Variants in SUFU observed in about 807,000 individuals in gnomAD.
SUFU encodes suppressor of fused homolog.
A neutral mutation model predicts 58.9 loss-of-function variants in SUFU; 7 were observed. The observed-to-expected ratio is 0.12, with a 90% confidence interval of 0.07 to 0.22. The LOEUF is 0.22. SUFU is among the 10% of genes least tolerant of loss of function. The pLI is 1.00. For missense variants in SUFU, 451 were observed against 641.3 expected (o/e 0.70, Z 3.20); for synonymous variants, 232 against 254.8 (o/e 0.91, Z 0.85).
intron 7 of SUFU, among the ~76,000 whole-genome samples, chr10:102,598,415 C>T (rs1441326458): frequency 6.6e-6 from 1 of 152,184 alleles, no homozygotes; most frequent in Non-Finnish European, 1.5e-5. Context: ...CTCAGCCTCC[C>T]GAAGTGCTGG....
intron 3 of SUFU, among the ~76,000 whole-genome samples, chr10:102,552,896 A>G (rs971406813): frequency 2.6e-5 from 4 of 152,348 alleles, no homozygotes; most frequent in Non-Finnish European, 2.9e-5. Context: ...TCATTGTATC[A>G]TTCTTTTAAC....
intron 8 of SUFU, among the ~76,000 whole-genome samples, chr10:102,610,006 A>G (rs2063605664): frequency 6.6e-6 from 1 of 152,122 alleles, no homozygotes; most frequent in Non-Finnish European, 1.5e-5. Context: ...GACCATCCTC[A>G]TTGCCTTTTT....
At chr10:102,546,329 C>T (rs1186404450) in intron 2 of SUFU, among the ~76,000 whole-genome samples, 1 of 152,050 alleles carries the variant, frequency 6.6e-6, no homozygotes, top group Non-Finnish European at 1.5e-5. Context: ...CCCCTTACCC[C>T]CACTCTGCCA....
upstream of SUFU, among the ~76,000 whole-genome samples, chr10:102,503,298 C>CT (rs1035375401): frequency 6.6e-6 from 1 of 152,116 alleles, no homozygotes; most frequent in Non-Finnish European, 1.5e-5. Flanking sequence ...TTTGCATTTT[C>CT]TTTTTTTCTG....
intron 3 of SUFU, among the ~76,000 whole-genome samples, chr10:102,582,755 G>A (rs537036253): frequency 6.6e-6 from 1 of 152,220 alleles, no homozygotes; most frequent in Non-Finnish European, 1.5e-5. Flanking sequence ...CATAAAAGTC[G>A]GGTAGCTGAG....
At chr10:102,508,797 A>G (rs1206931692) in intron 1 of SUFU, among the ~76,000 whole-genome samples, 2 of 152,202 alleles carry the variant, frequency 1.3e-5, no homozygotes, top group East Asian at 3.8e-4. Context: ...TGATTGACTG[A>G]TGTACCTCTT....
chr10:102,612,343 C>T (rs976036690), intron 8 of SUFU, among the ~76,000 whole-genome samples: 1 of 152,034 alleles, frequency 6.6e-6, no homozygotes, highest in Non-Finnish European at 1.5e-5. Context: ...AGTACAGTTT[C>T]AAATGATTGA....
chr10:102,622,200 C>T (rs1402305424), intron 10 of SUFU, among the ~76,000 whole-genome samples: 1 of 152,232 alleles, frequency 6.6e-6, no homozygotes, highest in African/African-American at 2.4e-5. Context: ...GGTGAAGCTA[C>T]AGCCACCAAC....
intron 2 of SUFU, among the ~76,000 whole-genome samples, chr10:102,545,254 G>A (rs1369967393): frequency 6.6e-6 from 1 of 151,086 alleles, no homozygotes; most frequent in Admixed American, 6.6e-5. Context: ...GGGTAGCTGG[G>A]ACTACAGGTG....
chr10:102,607,507 C>T (rs2063573579), intron 8 of SUFU, among the ~76,000 whole-genome samples: 1 of 152,140 alleles, frequency 6.6e-6, no homozygotes, highest in Non-Finnish European at 1.5e-5. Context: ...AAAATTTAAA[C>T]ACACCAGTCC....
At chr10:102,614,028 A>G (rs894077943) in intron 8 of SUFU, among the ~76,000 whole-genome samples, 5 of 152,240 alleles carry the variant, frequency 3.3e-5, no homozygotes, top group Non-Finnish European at 5.9e-5. Flanking sequence ...ACTCAGCAGT[A>G]CAGATTGTAT....
intron 3 of SUFU, among the ~76,000 whole-genome samples, chr10:102,556,483 C>G (rs2062978626): frequency 6.6e-6 from 1 of 152,166 alleles, no homozygotes; most frequent in African/African-American, 2.4e-5. Flanking sequence ...TGCCTCAGGC[C>G]TGTAATCCCA....
In SUFU at chr10:102,594,059, C is replaced by A. The variant is rs1235137905; in HGVS notation, c.750C>A (p.His250Gln). 1.9e-6 allele frequency: 3 copies of A among 1,613,968 alleles called. No individual in the cohort carries two copies. The Admixed American group carries it at 5.0e-5, about 27-fold the overall frequency. ...RGETIFEIDP[H>Q]LQERVDKGIE... ...AGACCATATTTGAGATCGATCCACA[C>A]CTGCAAGTATGTCTTGAGTGAGGAA... The change falls in exon 6 of 12, where the codon CAC (histidine) becomes CAA (glutamine). Residue 250 changes from histidine to glutamine, a missense_variant. By Grantham distance (24) the His-to-Gln change is conservative. Transcript: ENST00000369902.
chr10:102,600,497 T>C (rs1432598969), intron 8 of SUFU, among the ~76,000 whole-genome samples: 1 of 152,134 alleles, frequency 6.6e-6, no homozygotes, highest in East Asian at 1.9e-4. Flanking sequence ...TGGCTGTCGA[T>C]GTGATTTGTT....
intron 2 of SUFU, among the ~76,000 whole-genome samples, chr10:102,537,290 C>G (rs1248085903): frequency 6.6e-6 from 1 of 151,922 alleles, no homozygotes; most frequent in Non-Finnish European, 1.5e-5. Context: ...ACCACCATGG[C>G]CAGCTAATTT....
At chr10:102,601,685 T>C (rs984825356) in intron 8 of SUFU, among the ~76,000 whole-genome samples, 2 of 152,208 alleles carry the variant, frequency 1.3e-5, no homozygotes, top group Non-Finnish European at 2.9e-5. Context: ...TTTCCTGTTA[T>C]CTCAGGATCG....
chr10:102,579,858 G>A, intron 3 of SUFU: 1 of 985,340 alleles, frequency 1.0e-6, no homozygotes, highest in Non-Finnish European at 1.2e-6. Context: ...TGAAAAGGTA[G>A]GTGGGTGAGG....
rs1406531498 is a variant in SUFU at position 102,593,735 on chromosome 10, C to A, written c.683+14C>A. On this transcript the variant is annotated intron_variant, in intron 5 of 11. Transcript: ENST00000369902. The stretch of plus-strand genomic sequence containing the variant: ...GACAGTGCCTATGTGAGTACCCATG[C>A]AAGGTGGGAGCGCGGCTCCCTGGGC... 2 of 1,613,584 alleles carry A rather than the reference C, an allele frequency of 1.2e-6. No individual in the cohort carries two copies. The highest frequency in any genetic ancestry group is 1.7e-6 in the Non-Finnish European group (2 of 1,179,638).
chr10:102,561,166 A>G (rs1332284929), intron 3 of SUFU, among the ~76,000 whole-genome samples: 3 of 152,174 alleles, frequency 2.0e-5, no homozygotes, highest in Non-Finnish European at 4.4e-5. Flanking sequence ...TCTTCAGGAT[A>G]AATTCCTTTA....
Sources: gnomAD v4.1 joint callset for allele counts (sites outside exome capture counted in the v4.1 genomes callset) on GRCh38, gnomAD v4.1.1 for gene constraint, MANE v1.5 for transcripts, NCBI Gene and HGNC (gene_info 2026-07-23, HGNC 2026-07-21) for gene names.